The following LUZP2 variants were observed in gnomAD, a reference collection of about 807,000 sequenced individuals.
LUZP2 encodes leucine zipper protein 2.
LUZP2 carries 52 observed loss-of-function variants against 51.6 expected under a neutral mutation model. That is an observed-to-expected ratio of 1.01 (90% CI 0.81 to 1.27). LUZP2 has a LOEUF of 1.27. LUZP2 is among the 50% of genes most tolerant of loss of function. The pLI is 0.00. For missense variants in LUZP2, 436 were observed against 395.4 expected, an observed-to-expected ratio of 1.10 and a Z score of -0.87; for synonymous variants, 154 against 137.3, an observed-to-expected ratio of 1.12 and a Z score of -0.85.
At chr11:24,938,685 A>G (rs1854659429) in intron 7 of LUZP2, among the ~76,000 whole-genome samples, 1 of 152,098 alleles carries the variant, frequency 6.6e-6, no homozygotes, top group South Asian at 2.1e-4. Context: ...GGAAAATGAT[A>G]CCATATTAAT....
chr11:24,794,810 GAT>G (rs1207086721), intron 5 of LUZP2, among the ~76,000 whole-genome samples: 1 of 151,914 alleles, frequency 6.6e-6, no homozygotes, highest in Non-Finnish European at 1.5e-5. Context: ...GTAAATAAAA[GAT>G]ATAAGATACC....
chr11:24,807,672 C>A (rs1286992974), intron 5 of LUZP2, among the ~76,000 whole-genome samples: 2 of 151,916 alleles, frequency 1.3e-5, no homozygotes, highest in African/African-American at 4.8e-5. Flanking sequence ...CAGCAAGTCC[C>A]ATTTTCATTC....
intron 9 of LUZP2, among the ~76,000 whole-genome samples, chr11:24,997,861 A>G (rs1856554666): frequency 6.6e-6 from 1 of 152,158 alleles, no homozygotes; most frequent in Non-Finnish European, 1.5e-5. Flanking sequence ...TCCCAGCACC[A>G]CTTATTAAAT....
intron 7 of LUZP2, among the ~76,000 whole-genome samples, chr11:24,926,223 G>A (rs1277921160): frequency 2.1e-5 from 3 of 145,660 alleles, no homozygotes; most frequent in Non-Finnish European, 4.5e-5. Flanking sequence ...ATATATATAC[G>A]TGTATATATA....
intron 1 of LUZP2, among the ~76,000 whole-genome samples, chr11:24,719,652 T>C (rs1389021572): frequency 6.6e-6 from 1 of 152,238 alleles, no homozygotes; most frequent in East Asian, 1.9e-4. Flanking sequence ...ACTTACTTTA[T>C]GACTTTGAAG....
In LUZP2 at chr11:24,497,298, A is replaced by T. The variant is rs1490172446; in HGVS notation, c.55A>T (p.Ser19Cys). 9.6e-6 allele frequency: 15 copies of T among 1,563,822 alleles called. No individual in the cohort carries two copies. Among genetic ancestry groups the T allele is most frequent in the Non-Finnish European group, 1.3e-5 (15 of 1,153,622 alleles). ...LLPLLPALVL[S>C]TRQDYEELEK... is the part of the protein sequence containing the mutation. The stretch of plus-strand genomic sequence containing the variant: ...GCCTCTCCTGCCTGCGCTGGTCCTC[A>T]GCACCAGGTGAGTCCAGGAGCGTGA... The change falls in exon 1 of 12, where the codon AGC becomes TGC. Residue 19 changes from serine (S) to cysteine (C), a missense_variant. Physicochemically the swap from Ser to Cys is moderately radical, Grantham distance 112 (BLOSUM62 -1). Transcript: ENST00000336930.
At chr11:25,076,902 A>T (rs1227312045) in intron 10 of LUZP2, among the ~76,000 whole-genome samples, 2 of 152,112 alleles carry the variant, frequency 1.3e-5, no homozygotes, top group African/African-American at 4.8e-5. Flanking sequence ...TTTATGCAAG[A>T]CAGATTGGTG....
At chr11:24,649,220 A>C (rs532148286) in intron 1 of LUZP2, among the ~76,000 whole-genome samples, 1 of 152,018 alleles carries the variant, frequency 6.6e-6, no homozygotes, top group East Asian at 1.9e-4. Flanking sequence ...GAGGCTCCTC[A>C]GTAGAATTTG....
intron 9 of LUZP2, among the ~76,000 whole-genome samples, chr11:25,000,058 C>CAGAGTGCTGATTGGTCCATTTTAT (rs1856635777): frequency 2.0e-5 from 3 of 152,136 alleles, no homozygotes; most frequent in Non-Finnish European, 4.4e-5. Flanking sequence ...ATCCATTTTA[C>CAGAGTGCTGATTGGTCCATTTTAT]AGAGTGCTGA....
At chr11:24,998,167 G>A (rs542762409) in intron 9 of LUZP2, among the ~76,000 whole-genome samples, 12 of 152,244 alleles carry the variant, frequency 7.9e-5, no homozygotes, top group African/African-American at 2.9e-4. Context: ...AAAGTCATTG[G>A]TAACTTGATG....
chr11:24,910,924 G>A (rs1000699948), intron 6 of LUZP2, among the ~76,000 whole-genome samples: 4 of 152,152 alleles, frequency 2.6e-5, no homozygotes, highest in African/African-American at 9.7e-5. Flanking sequence ...GCAGCCAGGA[G>A]GGGGGCTGTA....
chr11:24,980,597 A>G (rs184882484), intron 8 of LUZP2, among the ~76,000 whole-genome samples: 1 of 151,872 alleles, frequency 6.6e-6, no homozygotes, highest in East Asian at 2.0e-4. Context: ...GCCTTCAAAA[A>G]AGTTTGTTAA....
chr11:25,036,432 T>C (rs530785148), intron 9 of LUZP2, among the ~76,000 whole-genome samples: 1 of 152,198 alleles, frequency 6.6e-6, no homozygotes, highest in East Asian at 1.9e-4. Flanking sequence ...CTCGGTTTCA[T>C]TGATCTCTTA....
intron 5 of LUZP2, among the ~76,000 whole-genome samples, chr11:24,835,083 A>G (rs148395304): frequency 1.8e-4 from 28 of 152,296 alleles, no homozygotes; most frequent in African/African-American, 4.8e-4. Context: ...AGTAACTAAA[A>G]CAGCATGATA....
At chr11:24,858,325 T>G (rs1395541561) in intron 5 of LUZP2, among the ~76,000 whole-genome samples, 1 of 152,202 alleles carries the variant, frequency 6.6e-6, no homozygotes. Context: ...TCTTTTTTCC[T>G]GATAAACTAT....
chr11:25,077,700 G>C (rs1859354031), intron 11 of LUZP2, among the ~76,000 whole-genome samples: 1 of 151,776 alleles, frequency 6.6e-6, no homozygotes, highest in Non-Finnish European at 1.5e-5. Context: ...GTTTCACTGT[G>C]TTAGCCAGGA....
intron 6 of LUZP2, among the ~76,000 whole-genome samples, chr11:24,912,380 A>T (rs892462454): frequency 6.6e-6 from 1 of 152,142 alleles, no homozygotes; most frequent in Non-Finnish European, 1.5e-5. Context: ...AGAACCTTGT[A>T]GTGGTGCATC....
At chr11:25,057,198 G>A (rs1858714996) in intron 10 of LUZP2, among the ~76,000 whole-genome samples, 1 of 152,130 alleles carries the variant, frequency 6.6e-6, no homozygotes, top group South Asian at 2.1e-4. Flanking sequence ...CAGCTCTGAA[G>A]TTTTAATACT....
intron 1 of LUZP2, chr11:24,646,518 C>A (rs1272720930): frequency 2.3e-6 from 2 of 866,308 alleles, no homozygotes; most frequent in Admixed American, 6.2e-5. Flanking sequence ...TACAGCCCTG[C>A]TTTCCTAATT....
Sources: allele counts gnomAD v4.1 joint callset (sites outside exome capture counted in the v4.1 genomes callset), GRCh38; gene constraint gnomAD v4.1.1; transcripts MANE v1.5; gene names NCBI Gene and HGNC (gene_info 2026-07-23, HGNC 2026-07-21).